KCNQ5: variants seen among roughly 807,000 people sequenced by gnomAD.
KCNQ5 encodes potassium voltage-gated channel subfamily KQT member 5.
Under a neutral mutation model 98.2 loss-of-function variants are expected in KCNQ5, and 30 were observed. The observed-to-expected ratio is 0.31, with a 90% CI of 0.23 to 0.41. The LOEUF (loss-of-function observed/expected upper bound fraction) is 0.41. Ranked by LOEUF, KCNQ5 falls within the 10% of genes least tolerant of loss-of-function variation. The probability of loss-of-function intolerance (pLI) is 1.00; values close to 1 mark genes in which losing one functional copy is unlikely to be tolerated. For synonymous variants in KCNQ5, 458 were observed against 449.4 expected (o/e 1.02, Z -0.24); for missense variants, 835 against 1,182.5 (o/e 0.71, Z 4.31).
chr6:72,869,133 A>G (rs570910377), intron 1 of KCNQ5, among the ~76,000 whole-genome samples: 1 of 152,328 alleles, frequency 6.6e-6, no homozygotes, highest in South Asian at 2.1e-4. Context: ...TGCCCATAAT[A>G]ATTTTTAAAA....
intron 1 of KCNQ5, among the ~76,000 whole-genome samples, chr6:72,775,738 A>G (rs1199499339): frequency 1.3e-5 from 2 of 152,158 alleles, no homozygotes; most frequent in Non-Finnish European, 2.9e-5. Flanking sequence ...CAAAACCCAT[A>G]ACCCCAGTCC....
intron 1 of KCNQ5, among the ~76,000 whole-genome samples, chr6:72,744,467 T>G (rs1266828969): frequency 6.6e-6 from 1 of 152,124 alleles, no homozygotes; most frequent in Non-Finnish European, 1.5e-5. Flanking sequence ...ATATGTACTA[T>G]GATGTTTCTA....
intron 1 of KCNQ5, among the ~76,000 whole-genome samples, chr6:72,860,021 T>C (rs1333587971): frequency 6.6e-6 from 1 of 151,654 alleles, no homozygotes; most frequent in East Asian, 1.9e-4. Flanking sequence ...TGATTATTGA[T>C]CTCTTCTTTA....
chr6:72,973,966 G>A (rs1262034486), intron 1 of KCNQ5, among the ~76,000 whole-genome samples: 1 of 152,078 alleles, frequency 6.6e-6, no homozygotes, highest in Admixed American at 6.6e-5. Context: ...TTCACAATAA[G>A]TTCTGACATA....
intron 11 of KCNQ5, among the ~76,000 whole-genome samples, chr6:73,176,522 C>T (rs1376403918): frequency 6.6e-6 from 1 of 152,162 alleles, no homozygotes; most frequent in Non-Finnish European, 1.5e-5. Context: ...TGGACTAACG[C>T]AGTGCTTCAT....
At chr6:73,165,476 T>C (rs1777758790) in intron 10 of KCNQ5, among the ~76,000 whole-genome samples, 1 of 152,206 alleles carries the variant, frequency 6.6e-6, no homozygotes, top group South Asian at 2.1e-4. Flanking sequence ...CCAGGGTCTG[T>C]ATATTTCCAA....
At chr6:72,662,152 C>A (rs1026565026) in intron 1 of KCNQ5, among the ~76,000 whole-genome samples, 12 of 152,128 alleles carry the variant, frequency 7.9e-5, no homozygotes, top group African/African-American at 2.7e-4. Context: ...TACTTCTTTT[C>A]CTCTCAGCAC....
chr6:72,872,547 C>T (rs1241636415), intron 1 of KCNQ5, among the ~76,000 whole-genome samples: 2 of 152,088 alleles, frequency 1.3e-5, no homozygotes, highest in African/African-American at 4.8e-5. Context: ...TTCATTTAAA[C>T]CTCTCAAAAG....
At chr6:72,848,633 C>T (rs148607751) in intron 1 of KCNQ5, among the ~76,000 whole-genome samples, 2 of 152,212 alleles carry the variant, frequency 1.3e-5, no homozygotes, top group African/African-American at 4.8e-5. Context: ...CTTATAAAAA[C>T]ATCACTTCAG....
intron 2 of KCNQ5, among the ~76,000 whole-genome samples, chr6:73,032,783 AC>A (rs1036355995): frequency 2.0e-5 from 3 of 151,990 alleles, no homozygotes; most frequent in Non-Finnish European, 4.4e-5. Flanking sequence ...CCAAATAGAA[AC>A]CTCAAACCAA....
chr6:72,896,759 T>A (rs1397047550), intron 1 of KCNQ5, among the ~76,000 whole-genome samples: 1 of 152,102 alleles, frequency 6.6e-6, no homozygotes, highest in African/African-American at 2.4e-5. Context: ...AAAGTGCCGC[T>A]CCTAGAATTG....
intron 1 of KCNQ5, among the ~76,000 whole-genome samples, chr6:72,648,695 T>C (rs964291936): frequency 6.6e-6 from 1 of 151,726 alleles, no homozygotes; most frequent in Non-Finnish European, 1.5e-5. Flanking sequence ...GAGTTTCTAC[T>C]GTATGTGAAT....
chr6:73,070,402 C>G (rs890239328), intron 3 of KCNQ5, among the ~76,000 whole-genome samples: 1 of 151,920 alleles, frequency 6.6e-6, no homozygotes, highest in Non-Finnish European at 1.5e-5. Context: ...ACCACAGAGA[C>G]AAACAAAAAT....
chr6:72,964,278 T>C (rs914149201), intron 1 of KCNQ5, among the ~76,000 whole-genome samples: 1 of 152,166 alleles, frequency 6.6e-6, no homozygotes, highest in Non-Finnish European at 1.5e-5. Flanking sequence ...ACTTTACTCC[T>C]CTGGATGACC....
chr6:73,182,275 G>A (rs1328908433), intron 11 of KCNQ5, among the ~76,000 whole-genome samples: 2 of 152,212 alleles, frequency 1.3e-5, no homozygotes, highest in Non-Finnish European at 2.9e-5. Context: ...GCATGCTACA[G>A]TGGCTGACTT....
At chr6:72,686,842 A>T (rs1295371890) in intron 1 of KCNQ5, among the ~76,000 whole-genome samples, 1 of 149,624 alleles carries the variant, frequency 6.7e-6, no homozygotes, top group African/African-American at 2.5e-5. Context: ...TTTTAATGTT[A>T]CTCAGGTGTT....
At position 73,127,956 on chromosome 6, in the gene KCNQ5, C is replaced by G. The variant is rs536520808; in HGVS notation, c.1247+3444C>G. 2.2e-3 allele frequency among the ~76,000 whole-genome samples: 333 copies of G among 152,032 alleles called. 1 individual carries two copies. Among genetic ancestry groups the G allele is most frequent in the African/African-American group, 7.3e-3 (305 of 41,508 alleles). ...GCTGCATGCCTGTAGTCCCAGCTAC[C>G]TGGGAAGCTGAGGCAGGAGAATCAC... On this transcript the variant is annotated intron_variant, in intron 9 of 13. Coordinates refer to ENST00000370398, the MANE Select transcript of KCNQ5 (RefSeq NM_019842.4).
At chr6:72,702,294 G>A (rs560582589) in intron 1 of KCNQ5, among the ~76,000 whole-genome samples, 1 of 152,280 alleles carries the variant, frequency 6.6e-6, no homozygotes, top group South Asian at 2.1e-4. Flanking sequence ...TAACATTTGT[G>A]TAGCAATGTG....
At chr6:72,650,022 C>T (rs1765799088) in intron 1 of KCNQ5, among the ~76,000 whole-genome samples, 1 of 152,064 alleles carries the variant, frequency 6.6e-6, no homozygotes, top group Non-Finnish European at 1.5e-5. Context: ...ATTTACACAG[C>T]TAATGACTGT....
Sources: gnomAD v4.1 joint callset for allele counts (sites outside exome capture counted in the v4.1 genomes callset) on GRCh38, gnomAD v4.1.1 for gene constraint, MANE v1.5 for transcripts, NCBI Gene and HGNC (gene_info 2026-07-23, HGNC 2026-07-21) for gene names.